The following PTPRN2 variants were observed in gnomAD, a reference collection of about 807,000 sequenced individuals.
PTPRN2 encodes the protein receptor-type tyrosine-protein phosphatase N2.
Under a neutral mutation model 118.8 loss-of-function variants are expected in PTPRN2, and 74 were observed. That is an observed-to-expected ratio of 0.62 (90% CI 0.52 to 0.76). The LOEUF (loss-of-function observed/expected upper bound fraction) is 0.76. Ranked by LOEUF, PTPRN2 falls within the 30% of genes least tolerant of loss-of-function variation. The probability of loss-of-function intolerance (pLI) is 0.00; values close to 1 mark genes in which losing one functional copy is unlikely to be tolerated. For synonymous variants in PTPRN2, 641 were observed against 608.0 expected (o/e 1.05, Z -0.80); for missense variants, 1,481 against 1,394.4 (o/e 1.06, Z -0.99).
chr7:157,948,682 A>G (rs1185234315), intron 11 of PTPRN2, among the ~76,000 whole-genome samples: 1 of 152,224 alleles, frequency 6.6e-6, no homozygotes, highest in African/African-American at 2.4e-5. Context: ...TAAAAGTATG[A>G]CCAACTACGG....
At chr7:158,160,596 G>A (rs1822272695) in intron 6 of PTPRN2, among the ~76,000 whole-genome samples, 1 of 152,114 alleles carries the variant, frequency 6.6e-6, no homozygotes, top group Non-Finnish European at 1.5e-5. Context: ...TCAGCTCTTC[G>A]ACTGTTTATG....
intron 12 of PTPRN2, among the ~76,000 whole-genome samples, chr7:157,852,730 G>A (rs1809367343): frequency 1.3e-5 from 2 of 152,008 alleles, no homozygotes; most frequent in African/African-American, 2.4e-5. Flanking sequence ...TTAGCTGGGT[G>A]TGGTGGTGGG....
At chr7:158,435,991 A>G (rs1816546901) in intron 2 of PTPRN2, among the ~76,000 whole-genome samples, 2 of 152,182 alleles carry the variant, frequency 1.3e-5, no homozygotes, top group African/African-American at 4.8e-5. Flanking sequence ...AGTGCTAGAG[A>G]TCTGCGGTAC....
At chr7:158,576,576 C>T (rs1288470926) in intron 1 of PTPRN2, among the ~76,000 whole-genome samples, 1 of 152,224 alleles carries the variant, frequency 6.6e-6, no homozygotes, top group Non-Finnish European at 1.5e-5. Context: ...TCTGAGTGAA[C>T]ATAAGGAACA....
At chr7:158,179,062 T>G (rs866348080) in intron 5 of PTPRN2, among the ~76,000 whole-genome samples, 1 of 152,222 alleles carries the variant, frequency 6.6e-6, no homozygotes, top group Non-Finnish European at 1.5e-5. Flanking sequence ...CAACTTTTAG[T>G]TCTTTATGAA....
At chr7:158,212,476 A>G (rs1441506491) in intron 3 of PTPRN2, among the ~76,000 whole-genome samples, 1 of 152,208 alleles carries the variant, frequency 6.6e-6, no homozygotes, top group Non-Finnish European at 1.5e-5. Flanking sequence ...GTATGCCTGT[A>G]TCAAAATATC....
In PTPRN2 at chr7:157,609,981, C is replaced by T. The variant is rs760704361; in HGVS notation, c.2345-5906G>A. Among the ~76,000 whole-genome samples the T allele has an allele frequency of 2.0e-4, 31 of 152,184 alleles. No individual in the cohort carries two copies. The highest frequency in any genetic ancestry group is 3.4e-4 in the Non-Finnish European group (23 of 68,024). Reference sequence around the variant, plus strand: ...TCATTAATCATGATCTAGAACCTCCCGTGCCCACCCCACTGCATCTGAGGA... The same window carrying T: ...TCATTAATCATGATCTAGAACCTCCTGTGCCCACCCCACTGCATCTGAGGA... On this transcript the variant is annotated intron_variant, in intron 15 of 22. Coordinates refer to ENST00000389418, the MANE Select transcript of PTPRN2 (RefSeq NM_002847.5). This position sits in a 1 kb window ranked among gnomAD's most constrained non-coding sequence, Gnocchi z 4.9.
chr7:158,012,065 G>A (rs575844729), intron 11 of PTPRN2, among the ~76,000 whole-genome samples: 5 of 152,268 alleles, frequency 3.3e-5, no homozygotes, highest in Admixed American at 6.5e-5. Context: ...CCCCGATCCC[G>A]AGTTTGTAGG....
chr7:158,000,663 C>T (rs111309105), intron 11 of PTPRN2, among the ~76,000 whole-genome samples: 15 of 65,734 alleles, frequency 2.3e-4, no homozygotes, highest in Non-Finnish European at 3.2e-4. Context: ...GGCTGGTGTC[C>T]GGCCGCAGGT....
intron 12 of PTPRN2, among the ~76,000 whole-genome samples, chr7:157,872,209 T>A (rs1811113306): frequency 9.2e-6 from 1 of 108,648 alleles, no homozygotes; most frequent in South Asian, 3.3e-4. Context: ...ATACCCAGTG[T>A]CCTCCGCATA....
chr7:158,013,562 T>C (rs1460703134), intron 11 of PTPRN2, among the ~76,000 whole-genome samples: 1 of 151,656 alleles, frequency 6.6e-6, no homozygotes, highest in African/African-American at 2.4e-5. Flanking sequence ...CAAACATACA[T>C]TAATCTACCA....
intron 2 of PTPRN2, among the ~76,000 whole-genome samples, chr7:158,365,176 G>A (rs924477792): frequency 3.9e-5 from 6 of 152,202 alleles, no homozygotes; most frequent in Non-Finnish European, 7.3e-5. Context: ...AAGGAATCAC[G>A]CAAGTGGGAA....
chr7:158,491,833 C>G (rs1048749376), intron 1 of PTPRN2, among the ~76,000 whole-genome samples: 1 of 152,338 alleles, frequency 6.6e-6, no homozygotes, highest in East Asian at 1.9e-4. Context: ...GCTAACCCCA[C>G]ATTCAGTCTG....
intron 3 of PTPRN2, among the ~76,000 whole-genome samples, chr7:158,250,254 A>C (rs896771261): frequency 2.0e-5 from 3 of 152,198 alleles, no homozygotes; most frequent in Non-Finnish European, 4.4e-5. Context: ...AAAGTAGGAC[A>C]CTTAAGCCCT....
intron 12 of PTPRN2, among the ~76,000 whole-genome samples, chr7:157,886,993 CGAGGTCCTT>C (rs1796491843): frequency 1.3e-5 from 2 of 150,498 alleles, no homozygotes; most frequent in South Asian, 2.1e-4. Flanking sequence ...CTGGGGCCTT[CGAGGTCCTT>C]GTCACACAGC....
At chr7:158,391,937 C>G (rs1027845427) in intron 2 of PTPRN2, among the ~76,000 whole-genome samples, 2 of 152,224 alleles carry the variant, frequency 1.3e-5, no homozygotes, top group Non-Finnish European at 2.9e-5. Context: ...ACCTTTGAGA[C>G]AGGGAGCCCG....
intron 11 of PTPRN2, among the ~76,000 whole-genome samples, chr7:158,040,417 A>AC: frequency 8.2e-6 from 1 of 122,106 alleles, no homozygotes; most frequent in African/African-American, 2.8e-5. Context: ...CACACACACA[A>AC]ACACACTGCA....
At chr7:158,196,823 A>AT (rs763867208) in intron 4 of PTPRN2, among the ~76,000 whole-genome samples, 1 of 152,224 alleles carries the variant, frequency 6.6e-6, no homozygotes, top group Non-Finnish European at 1.5e-5. Flanking sequence ...AAGAAAAAAA[A>AT]GTAACCCAGA....
At chr7:157,859,984 G>T (rs559069727) in intron 12 of PTPRN2, among the ~76,000 whole-genome samples, 3 of 92,132 alleles carry the variant, frequency 3.3e-5, no homozygotes, top group African/African-American at 1.3e-4. Flanking sequence ...GGAGAGCCCC[G>T]GCCACCACCC....
Sources: allele counts gnomAD v4.1 joint callset (sites outside exome capture counted in the v4.1 genomes callset), GRCh38; gene constraint gnomAD v4.1.1; non-coding constraint Gnocchi (gnomAD v3.1); transcripts MANE v1.5; gene names NCBI Gene and HGNC (gene_info 2026-07-23, HGNC 2026-07-21).